The following LRP8 variants were observed in gnomAD, a reference collection of about 807,000 sequenced individuals.
LRP8 encodes the protein LDL receptor related protein 8.
Under a neutral mutation model 111.6 loss-of-function variants are expected in LRP8, and 46 were observed. The observed-to-expected ratio is 0.41, with a 90% confidence interval of 0.33 to 0.53. The LOEUF (loss-of-function observed/expected upper bound fraction) is 0.53. Ranked by LOEUF, LRP8 falls within the 20% of genes least tolerant of loss-of-function variation. The probability of loss-of-function intolerance (pLI) is 0.20; values close to 1 mark genes in which losing one functional copy is unlikely to be tolerated. For missense variants in LRP8, 959 were observed against 1,297.4 expected (o/e 0.74, Z 4.01); for synonymous variants, 464 against 511.2 (o/e 0.91, Z 1.24).
At position 53,246,905 on chromosome 1, in the gene LRP8, C is replaced by T; in HGVS notation, c.*113G>A. 1.1e-6 allele frequency: 1 copy of T among 900,724 alleles called. No homozygotes were observed. Among genetic ancestry groups the T allele is most frequent in the Non-Finnish European group, 1.7e-6 (1 of 586,304 alleles). The allele number at this position is 900,724 out of a possible 1,614,324, so 55.8% of individuals were successfully genotyped here. A position where few individuals can be genotyped will look rare whatever the true frequency, so the allele number is the denominator to read the frequency against. The stretch of plus-strand genomic sequence containing the variant: ...AAATTTAAAAAAAAAATCACACACA[C>T]ACATACACTCACACAGACCCATATA... On this transcript the variant is annotated 3_prime_UTR_variant, in exon 19 of 19. Coordinates refer to ENST00000306052, the MANE Select transcript of LRP8 (RefSeq NM_004631.5).
intron 3 of LRP8, 99 bp from the exon 4 acceptor site, chr1:53,280,814 C>T: frequency 1.4e-6 from 2 of 1,463,664 alleles, no homozygotes; most frequent in Non-Finnish European, 9.3e-7. Flanking sequence ...GGTCCAAGGC[C>T]CTAGGAGTCC....
chr1:53,290,438 C>G (rs1306984003), intron 2 of LRP8, among the ~76,000 whole-genome samples: 1 of 152,278 alleles, frequency 6.6e-6, no homozygotes, highest in East Asian at 1.9e-4. Flanking sequence ...GTATGAAGAA[C>G]CTGCAGCAGA....
chr1:53,243,624 G>GC lies in LRP8; in HGVS notation c.*3393dup, dbSNP rs1416375805. The stretch of plus-strand genomic sequence containing the variant: ...CTCTTTCCATACAGCCTCATTTCTT[G>GC]CCCCCCTTGAGCCTTTTGTTCCTGT... On this transcript the variant is annotated 3_prime_UTR_variant, in exon 19 of 19. Transcript: ENST00000306052. 2.6e-5 allele frequency: 4 copies of GC among 152,166 alleles called. No individual in the cohort carries two copies. The highest frequency in any genetic ancestry group is 9.6e-5 in the African/African-American group (4 of 41,504). 9.4% of individuals were successfully genotyped at this position (152,166 alleles called of 1,614,324 possible).
chr1:53,252,535 T>A (rs979118301), intron 16 of LRP8, among the ~76,000 whole-genome samples: 1 of 151,994 alleles, frequency 6.6e-6, no homozygotes, highest in Non-Finnish European at 1.5e-5. Context: ...GATCTTCTTG[T>A]CTCTTAAAAA....
In LRP8 at chr1:53,255,178, A is replaced by T. The variant is rs1317445524; in HGVS notation, c.2442T>A (p.Asn814Lys). 6.2e-7 allele frequency: 1 copy of T among 1,613,628 alleles called. No individual in the cohort carries two copies. Among genetic ancestry groups the T allele is most frequent in the Admixed American group, 1.7e-5 (1 of 60,028 alleles). ...ATSNHSQHYA[N>K]EDSKMGSTVT... ...CTGTTGAGCCCATCTTACTGTCTTCATTTGCATCTGCAAAACACAAACATT... is the reference window on the plus strand; with the variant it reads ...CTGTTGAGCCCATCTTACTGTCTTCTTTTGCATCTGCAAAACACAAACATT... Residue 814 changes from asparagine to lysine, a missense_variant, in exon 16 of 19, where the codon AAT becomes AAA. By Grantham distance (94) the Asn-to-Lys change is moderately conservative. Coordinates refer to ENST00000306052, the MANE Select transcript of LRP8 (RefSeq NM_004631.5).
At chr1:53,318,289 C>T (rs1654071216) in intron 2 of LRP8, among the ~76,000 whole-genome samples, 1 of 151,578 alleles carries the variant, frequency 6.6e-6, no homozygotes, top group Admixed American at 6.6e-5. Flanking sequence ...CAGAACACCG[C>T]TCGTTGTTCT....
Position 53,327,841 on chromosome 1 carries a change from CAGCAGCAGCAGCAGCAGCA to C in LRP8, c.53_71del (p.Leu18ArgfsTer50), listed in dbSNP as rs1655384428. The C allele has an allele frequency of 1.0e-5, 11 of 1,071,878 alleles. No individual in the cohort carries two copies. Among genetic ancestry groups the C allele is most frequent in the East Asian group, 7.0e-5 (2 of 28,448 alleles). 66.4% of individuals were successfully genotyped at this position (1,071,878 alleles called of 1,614,324 possible). A position where few individuals can be genotyped will look rare whatever the true frequency, so the allele number is the denominator to read the frequency against. On this transcript the variant is annotated frameshift_variant, in exon 1 of 19. Coordinates refer to ENST00000306052, the MANE Select transcript of LRP8 (RefSeq NM_004631.5). LOFTEE classifies it high-confidence loss of function. ...CTGCCGCCGCAAGATGCTGGAGCTG[CAGCAGCAGCAGCAGCAGCA>C]GCAGCAGCAGCAGCGCCAGAAGCCG...
intron 2 of LRP8, among the ~76,000 whole-genome samples, chr1:53,319,596 G>A (rs534134595): frequency 6.6e-6 from 1 of 152,334 alleles, no homozygotes; most frequent in East Asian, 1.9e-4. Context: ...GAGACAAAGA[G>A]GTCAGAGCGG....
At chr1:53,291,443 C>G (rs1648754367) in intron 2 of LRP8, among the ~76,000 whole-genome samples, 1 of 152,174 alleles carries the variant, frequency 6.6e-6, no homozygotes, top group South Asian at 2.1e-4. Flanking sequence ...ACTTCCCAAT[C>G]TAGCCCCACC....
In LRP8 at chr1:53,266,406, C is replaced by T; in HGVS notation, c.1427+67G>A. On this transcript the variant is annotated intron_variant, in intron 9 of 18. Transcript: ENST00000306052. The surrounding 1 kb of genome is among the most constrained non-coding windows in gnomAD (Gnocchi z 5.0). Reference sequence around the variant, plus strand: ...TCTAGAGGCAGACACCACTCCTCCCCTCCTCACCTGTCACCACCCCTCACC... The same window carrying T: ...TCTAGAGGCAGACACCACTCCTCCCTTCCTCACCTGTCACCACCCCTCACC... 1 of 1,549,926 alleles carries T rather than the reference C, an allele frequency of 6.5e-7. No homozygotes were observed. Among genetic ancestry groups the T allele is most frequent in the Non-Finnish European group, 8.8e-7 (1 of 1,131,114 alleles).
chr1:53,292,524 G>T (rs1648972336), intron 2 of LRP8, among the ~76,000 whole-genome samples: 1 of 152,224 alleles, frequency 6.6e-6, no homozygotes, highest in Non-Finnish European at 1.5e-5. Flanking sequence ...TCATCTTAAA[G>T]TAAGTACCAA....
chr1:53,272,238 C>T (rs1646781296), intron 6 of LRP8, among the ~76,000 whole-genome samples: 1 of 152,140 alleles, frequency 6.6e-6, no homozygotes, highest in Admixed American at 6.5e-5. Flanking sequence ...GGATTACCAC[C>T]TGCTGCAAGA....
chr1:53,291,698 T>C (rs1648797065), intron 2 of LRP8: 1 of 152,202 alleles, frequency 6.6e-6, no homozygotes, highest in Non-Finnish European at 1.5e-5. Flanking sequence ...CTATTTAGGC[T>C]TTGAGGGCCA....
chr1:53,298,841 C>G (rs1184968748), intron 2 of LRP8, among the ~76,000 whole-genome samples: 1 of 152,234 alleles, frequency 6.6e-6, no homozygotes, highest in Admixed American at 6.5e-5. Flanking sequence ...AGGCCCTGTT[C>G]TTGCCACCAG....
rs763160553 is a variant in LRP8 at position 53,279,694 on chromosome 1, T to C, written c.496+893A>G. 2.8e-4 allele frequency among the ~76,000 whole-genome samples: 42 copies of C among 151,608 alleles called. No homozygotes were observed. The highest frequency in any genetic ancestry group is 1.0e-4 in the Non-Finnish European group (7 of 67,916). On this transcript the variant is annotated intron_variant, in intron 4 of 18. Coordinates refer to ENST00000306052, the MANE Select transcript of LRP8 (RefSeq NM_004631.5). The surrounding 1 kb of genome is among the most constrained non-coding windows in gnomAD (Gnocchi z 4.4). ...AAATATAGAGGCTGGCAGAGGGGAG[T>C]AGGCAGCAGTGATGGGCAAGTGCCT...
rs1490735987 is a variant in LRP8, at chr1:53,266,794, A to G, written c.1253-147T>C. On this transcript the variant is annotated intron_variant, in intron 8 of 18. Coordinates refer to ENST00000306052, the MANE Select transcript of LRP8 (RefSeq NM_004631.5). The surrounding 1 kb of genome is among the most constrained non-coding windows in gnomAD (Gnocchi z 5.0). ...TTCCTACTTTACAGGTTGCAGGAGC[A>G]GATGAAATAATGAGTACAGAAAGCA... The G allele has an allele frequency of 1.5e-6, 1 of 663,110 alleles. No individual in the cohort carries two copies. The highest frequency in any genetic ancestry group is 2.6e-5 in the Admixed American group (1 of 38,270). 41.1% of individuals were successfully genotyped at this position (663,110 alleles called of 1,614,324 possible).
chr1:53,282,953 G>C (rs1340659792), intron 3 of LRP8, among the ~76,000 whole-genome samples: 1 of 152,158 alleles, frequency 6.6e-6, no homozygotes, highest in Non-Finnish European at 1.5e-5. Flanking sequence ...CTCAAGGGAG[G>C]GGGAGGGGAG....
rs776062359 is a variant in LRP8 at position 53,264,281 on chromosome 1, C to T, written c.1543G>A (p.Asp515Asn). 17 of 1,614,050 alleles carry T rather than the reference C, an allele frequency of 1.1e-5. No individual in the cohort carries two copies. Among genetic ancestry groups the T allele is most frequent in the Non-Finnish European group, 1.2e-5 (14 of 1,180,024 alleles). The change falls in exon 10 of 19, where the codon GAC becomes AAC. Residue 515 changes from aspartate (D) to asparagine (N), a missense_variant. Physicochemically the swap from Asp to Asn is conservative, Grantham distance 23. Coordinates refer to ENST00000306052, the MANE Select transcript of LRP8 (RefSeq NM_004631.5). ...DWVHKHIYWT[D>N]SGNKTISVAT... ...ACTGAGATGGTCTTATTGCCCGAGT[C>T]AGTCCAGTAGATGTGCTTGTGGACC...
chr1:53,311,184 C>G (rs988314747), intron 2 of LRP8, among the ~76,000 whole-genome samples: 5 of 152,080 alleles, frequency 3.3e-5, no homozygotes, highest in Admixed American at 2.0e-4. Context: ...AGTCCCCAGG[C>G]CCCTGCCCAC....
Sources: allele counts gnomAD v4.1 joint callset (sites outside exome capture counted in the v4.1 genomes callset), GRCh38; gene constraint gnomAD v4.1.1; non-coding constraint Gnocchi (gnomAD v3.1); transcripts MANE v1.5; gene names NCBI Gene and HGNC (gene_info 2026-07-23, HGNC 2026-07-21).